The following SESN3 variants were observed in gnomAD, a reference collection of about 807,000 sequenced individuals.
SESN3 encodes sestrin 3.
SESN3 carries 21 observed loss-of-function variants against 55.3 expected under a neutral mutation model. The observed-to-expected ratio is 0.38, with a 90% confidence interval of 0.27 to 0.55. The LOEUF (loss-of-function observed/expected upper bound fraction) is 0.55, where lower values mean the gene tolerates loss of function less well. SESN3 is among the 20% of genes least tolerant of loss of function. The pLI is 0.76. For synonymous variants in SESN3, 181 were observed against 203.1 expected (o/e 0.89, Z 0.93); for missense variants, 408 against 604.3 (o/e 0.68, Z 3.41).
At chr11:95,206,495 TAGAA>T (rs992323931) in intron 1 of SESN3, among the ~76,000 whole-genome samples, 2 of 151,992 alleles carry the variant, frequency 1.3e-5, no homozygotes, top group Non-Finnish European at 2.9e-5. Context: ...CAGTTTTTGA[TAGAA>T]AGAAAAAGCT....
Position 95,185,440 on chromosome 11 carries a change from G to C in SESN3, c.578C>G (p.Ala193Gly), listed in dbSNP as rs1394845409. ...ATGATAATGTGCCAGGAGGACCACAGCATGTACCAGTTCAGGCAGAGACCA... is the reference window on the plus strand; with the variant it reads ...ATGATAATGTGCCAGGAGGACCACACCATGTACCAGTTCAGGCAGAGACCA... ...NNWSLPELVH[A>G]VVLLAHYHAL... is the part of the protein sequence containing the mutation. The change falls in exon 5 of 10, where the codon GCT becomes GGT. Residue 193 changes from alanine (A) to glycine (G), a missense_variant. Transcript: ENST00000536441. 2 of 1,613,130 alleles carry C rather than the reference G, an allele frequency of 1.2e-6. No homozygotes were observed. The highest frequency in any genetic ancestry group is 2.2e-5 in the South Asian group (2 of 91,050).
In SESN3 at chr11:95,193,496, G is replaced by T. The variant is rs531133137; in HGVS notation, c.105C>A (p.Pro35=). The T allele has an allele frequency of 1.3e-6, 2 of 1,594,266 alleles. No homozygotes were observed. The highest frequency in any genetic ancestry group is 2.2e-5 in the South Asian group (2 of 90,184). ...RKDKRIRVSQ[P]LTRGPSAFIP... ...TAAAGGCACTTGGTCCTCTTGTCAAGGGTTGAGACACTCTGATTCTTTTAT... is the reference window on the plus strand; with the variant it reads ...TAAAGGCACTTGGTCCTCTTGTCAATGGTTGAGACACTCTGATTCTTTTAT... Residue 35 remains proline, a synonymous_variant, in exon 2 of 10, where the codon CCC becomes CCA. Coordinates refer to ENST00000536441, the MANE Select transcript of SESN3 (RefSeq NM_144665.4).
chr11:95,178,945 A>AT, intron 6 of SESN3, 117 bp from the exon 7 acceptor site: 1 of 615,294 alleles, frequency 1.6e-6, no homozygotes, highest in Non-Finnish European at 2.9e-6. Context: ...AAGTGAAAAC[A>AT]TGGACTCCGT....
chr11:95,195,553 G>A (rs1369821271), intron 1 of SESN3, among the ~76,000 whole-genome samples: 3 of 152,104 alleles, frequency 2.0e-5, no homozygotes, highest in Non-Finnish European at 4.4e-5. Context: ...ATATACCATC[G>A]CAGATGCATA....
intron 1 of SESN3, among the ~76,000 whole-genome samples, chr11:95,214,726 T>TA (rs35086733): frequency 6.6e-6 from 1 of 152,142 alleles, no homozygotes; most frequent in Admixed American, 6.6e-5. Context: ...CTTCTTTGAT[T>TA]AAAAAAAGTT....
intron 1 of SESN3, 119 bp from the exon 2 acceptor site, chr11:95,193,641 C>A: frequency 1.6e-6 from 1 of 628,256 alleles, no homozygotes; most frequent in South Asian, 1.9e-5. Flanking sequence ...TTATGTGAGA[C>A]CAGAGTAAGT....
In SESN3 at chr11:95,191,518, T is replaced by G; in HGVS notation, c.228A>C (p.Thr76=). 2 of 1,612,908 alleles carry G rather than the reference T, an allele frequency of 1.2e-6. No individual in the cohort carries two copies. Among genetic ancestry groups the G allele is most frequent in the Non-Finnish European group, 1.7e-6 (2 of 1,179,218 alleles). ...ACTGAGTGTGTAAACTCATGACCTG[T>G]GTGATGTTGTCCAGACGACCGGATG... The part of the protein sequence containing the change: ...YSTSGRLDNI[T]QVMSLHTQYL... Residue 76 remains threonine (T), a synonymous_variant, in exon 3 of 10, where the codon ACA becomes ACC. Transcript: ENST00000536441.
chr11:95,190,004 TAG>T lies in SESN3; in HGVS notation c.343-45_343-44del, dbSNP rs780124978. The T allele has an allele frequency of 2.8e-5, 40 of 1,422,482 alleles. No homozygotes were observed. The East Asian group carries it at 5.6e-4, about 20-fold the overall frequency. 88.1% of individuals were successfully genotyped at this position (1,422,482 alleles called of 1,614,324 possible). ...AAATTCATTGATAAAAGAATCACAG[TAG>T]AGTTTCTTTCCACTATTTCTAAACA... On this transcript the variant is annotated intron_variant, in intron 3 of 9. Transcript: ENST00000536441.
intron 1 of SESN3, among the ~76,000 whole-genome samples, chr11:95,229,724 G>A (rs532826778): frequency 6.6e-6 from 1 of 152,212 alleles, no homozygotes; most frequent in Non-Finnish European, 1.5e-5. Flanking sequence ...ACCGTATTTA[G>A]AGATGTTGAC....
chr11:95,197,408 T>C (rs1860380471), intron 1 of SESN3, among the ~76,000 whole-genome samples: 1 of 151,812 alleles, frequency 6.6e-6, no homozygotes, highest in Non-Finnish European at 1.5e-5. Flanking sequence ...TACCTCCTTC[T>C]GGGCAACTCT....
At chr11:95,199,941 A>G (rs1300421142) in intron 1 of SESN3, among the ~76,000 whole-genome samples, 1 of 152,068 alleles carries the variant, frequency 6.6e-6, no homozygotes, top group Non-Finnish European at 1.5e-5. Flanking sequence ...CAATTTTTAA[A>G]GATATCCTTA....
In SESN3 at chr11:95,173,318, C is replaced by T; in HGVS notation, c.1416G>A (p.Met472Ile). The T allele has an allele frequency of 1.3e-6, 2 of 1,596,436 alleles. No homozygotes were observed. Among genetic ancestry groups the T allele is most frequent in the Non-Finnish European group, 8.6e-7 (1 of 1,165,628 alleles). Reference protein sequence around the residue: ...SEKVHVNLLLMEARMQAELLY... With the variant: ...SEKVHVNLLLIEARMQAELLY... ...GAAGTTCAGCTTGCATTCGTGCTTCCATTAAAAGTAGATTGACATGAACCT... is the reference window on the plus strand; with the variant it reads ...GAAGTTCAGCTTGCATTCGTGCTTCTATTAAAAGTAGATTGACATGAACCT... The change falls in exon 10 of 10, where the codon ATG becomes ATA. Residue 472 changes from methionine (M) to isoleucine (I), a missense_variant. This residue lies in a region of SESN3 where 121 missense variants were observed against 204.9 expected (regional missense o/e 0.59). Transcript: ENST00000536441.
chr11:95,207,086 C>T (rs1860563891), intron 1 of SESN3, among the ~76,000 whole-genome samples: 1 of 152,098 alleles, frequency 6.6e-6, no homozygotes, highest in Non-Finnish European at 1.5e-5. Flanking sequence ...GCCAACATTA[C>T]TACTTTTTAA....
At position 95,169,684 on chromosome 11, in the gene SESN3, C is replaced by T. The variant is rs1011488710; in HGVS notation, c.*3571G>A. 6.6e-6 allele frequency: 1 copy of T among 152,022 alleles called. No individual in the cohort carries two copies. The highest frequency in any genetic ancestry group is 2.4e-5 in the African/African-American group (1 of 41,410). The allele number at this position is 152,022 out of a possible 1,614,324, so 9.4% of individuals were successfully genotyped here. On this transcript the variant is annotated 3_prime_UTR_variant, in exon 10 of 10. Transcript: ENST00000536441. ...TACCATCATATAGGCATGCACCCTCCCTCCACTAAAAATGGTGTACTATTT... is the reference window on the plus strand; with the variant it reads ...TACCATCATATAGGCATGCACCCTCTCTCCACTAAAAATGGTGTACTATTT...
rs780929087 is a variant in SESN3, at chr11:95,175,580, A to C, written c.1310T>G (p.Ile437Ser). ...CTCAGGATAGCAGGTCACTGTCTTA[A>C]TGTAAACCTTCAGGCTTCTTTCAAG... is the stretch of plus-strand genomic sequence containing the variant. ...QLLERSLKVY[I>S]KTVTCYPERT... is the part of the protein sequence containing the mutation. The change falls in exon 9 of 10, where the codon ATT becomes AGT. Residue 437 changes from isoleucine to serine, a missense_variant. Transcript: ENST00000536441. 21 of 1,613,630 alleles carry C rather than the reference A, an allele frequency of 1.3e-5. No homozygotes were observed. Among genetic ancestry groups the C allele is most frequent in the Non-Finnish European group, 1.8e-5 (21 of 1,179,552 alleles).
rs1237561084 is a variant in SESN3 at position 95,171,568 on chromosome 11, T to G, written c.*1687A>C. On this transcript the variant is annotated 3_prime_UTR_variant, in exon 10 of 10. Transcript: ENST00000536441. ...GGAAAATGATTTCATGAAACACTAG[T>G]TCACGATTCTTTCACAAAAGAAAAG... The G allele has an allele frequency of 1.3e-5, 2 of 152,150 alleles. No individual in the cohort carries two copies. Among genetic ancestry groups the G allele is most frequent in the African/African-American group, 4.8e-5 (2 of 41,458 alleles). The allele number at this position is 152,150 out of a possible 1,614,324, so 9.4% of individuals were successfully genotyped here.
At chr11:95,226,169 G>A (rs191293296) in intron 1 of SESN3, among the ~76,000 whole-genome samples, 14 of 152,072 alleles carry the variant, frequency 9.2e-5, no homozygotes, top group Non-Finnish European at 1.3e-4. Flanking sequence ...CCCATAAGAC[G>A]GAAAGAACTA....
chr11:95,180,089 A>G (rs915540734), intron 6 of SESN3, among the ~76,000 whole-genome samples: 1 of 152,218 alleles, frequency 6.6e-6, no homozygotes, highest in Non-Finnish European at 1.5e-5. Context: ...GAAAATGAAC[A>G]TATATTTCTC....
Position 95,231,173 on chromosome 11 carries a change from GCCA to G in SESN3, c.-316_-314del, listed in dbSNP as rs905022222. ...ACGAGCAGCCGCCACCGCTGCCACC[GCCA>G]CCACCGCCGCCGCAGCGCCTCAGTG... On this transcript the variant is annotated 5_prime_UTR_variant, in exon 1 of 10. Transcript: ENST00000536441. The G allele has an allele frequency of 1.8e-4, 49 of 272,816 alleles. No homozygotes were observed. The highest frequency in any genetic ancestry group is 1.1e-3 in the African/African-American group (38 of 35,616). The allele number at this position is 272,816 out of a possible 1,614,324, so 16.9% of individuals were successfully genotyped here.
Sources: allele counts gnomAD v4.1 joint callset (sites outside exome capture counted in the v4.1 genomes callset), GRCh38; gene constraint gnomAD v4.1.1; regional missense constraint gnomAD v4.1.1; transcripts MANE v1.5; gene names NCBI Gene and HGNC (gene_info 2026-07-23, HGNC 2026-07-21).